Variants in TRPM4 observed in about 807,000 individuals in gnomAD.
TRPM4 encodes calcium-activated non-selective cation channel 1.
A neutral mutation model predicts 135.6 loss-of-function variants in TRPM4; 124 were observed. The ratio of observed to expected loss-of-function variants is 0.91; its 90% CI spans 0.79 to 1.06. The LOEUF (loss-of-function observed/expected upper bound fraction) is 1.06. Ranked by LOEUF, TRPM4 falls within the 50% of genes least tolerant of loss-of-function variation. TRPM4 has a pLI of 0.00. For missense variants in TRPM4, 1,658 were observed against 1,671.4 expected, an observed-to-expected ratio of 0.99 and a Z score of 0.14; for synonymous variants, 745 against 705.6, an observed-to-expected ratio of 1.06 and a Z score of -0.88.
intron 16 of TRPM4, among the ~76,000 whole-genome samples, chr19:49,194,219 C>G (rs1171214052): frequency 2.6e-5 from 4 of 152,058 alleles, no homozygotes; most frequent in African/African-American, 7.2e-5. Context: ...TCCTCCTCCT[C>G]CTGCTCCTCT....
chr19:49,196,827 G>T lies in TRPM4; in HGVS notation c.2598G>T (p.Gln866His). Residue 866 changes from glutamine (Q) to histidine (H), a missense_variant, in exon 17 of 25, where the codon CAG becomes CAT. Around this residue, in one of 3 missense-constraint regions of TRPM4, gnomAD observed 1,412 missense variants for 1,408.7 expected, o/e 1.00. Transcript: ENST00000252826. ...TCTACCTCGCCGACAGCTGGAACCA[G>T]TGCGACCTAGTGGCTCTCACCTGCT... ...LRLYLADSWN[Q>H]CDLVALTCFL... The T allele has an allele frequency of 6.3e-7, 1 of 1,591,448 alleles. No individual in the cohort carries two copies.
In TRPM4 at chr19:49,210,199, G is replaced by A. The variant is rs1245146129; in HGVS notation, c.3132-10G>A. On this transcript the variant is annotated splice_polypyrimidine_tract_variant and intron_variant, in intron 20 of 24. Transcript: ENST00000252826. This position sits in a 1 kb window ranked among gnomAD's most constrained non-coding sequence, Gnocchi z 4.1. Reference sequence around the variant, plus strand: ...GACCTCAAGTGACCTTTGACCTCTGGCCTTTGCAGTTACACATTCGGCAAA... The same window carrying A: ...GACCTCAAGTGACCTTTGACCTCTGACCTTTGCAGTTACACATTCGGCAAA... The A allele has an allele frequency of 5.6e-6, 9 of 1,614,046 alleles. No homozygotes were observed. The highest frequency in any genetic ancestry group is 1.3e-5 in the African/African-American group (1 of 74,922).
chr19:49,197,711 T>C (rs562971898), intron 17 of TRPM4, among the ~76,000 whole-genome samples: 19 of 151,498 alleles, frequency 1.3e-4, no homozygotes, highest in South Asian at 2.1e-4. Flanking sequence ...GAGCCAGAGT[T>C]CCGCTGTGTC....
intron 12 of TRPM4, among the ~76,000 whole-genome samples, chr19:49,187,502 G>A (rs983497314): frequency 6.6e-6 from 1 of 151,062 alleles, no homozygotes; most frequent in East Asian, 1.9e-4. Context: ...AGACCACCAC[G>A]CCTGGCTAAC....
intron 20 of TRPM4, among the ~76,000 whole-genome samples, chr19:49,207,265 A>G (rs1314245717): frequency 6.6e-6 from 1 of 152,132 alleles, no homozygotes; most frequent in African/African-American, 2.4e-5. Flanking sequence ...ATTGGGTATG[A>G]CGGTAGCTGT....
intron 9 of TRPM4, among the ~76,000 whole-genome samples, chr19:49,174,233 A>C (rs993696761): frequency 4.6e-5 from 7 of 151,368 alleles, no homozygotes; most frequent in African/African-American, 1.7e-4. Context: ...GCTCACTGCA[A>C]CCTCCGCCTC....
In TRPM4 at chr19:49,175,067, C is replaced by CTTTTTTTTTTTT. The variant is rs772062913; in HGVS notation, c.1150+2973_1150+2984dup. On this transcript the variant is annotated intron_variant, in intron 9 of 24. Transcript: ENST00000252826. Reference sequence around the variant, plus strand: ...CACAGGCATGTGCCATCATGCCTGGCTTTTTTTTTTTTTTTTTTTTTTTTT... The same window carrying CTTTTTTTTTTTT: ...CACAGGCATGTGCCATCATGCCTGGCTTTTTTTTTTTTTTTTTTTTTTTTTTTTTTTTTTTTT... 1.5e-4 allele frequency among the ~76,000 whole-genome samples: 12 copies of CTTTTTTTTTTTT among 77,580 alleles called. 2 individuals are homozygous for CTTTTTTTTTTTT. The highest frequency in any genetic ancestry group is 8.1e-4 in the African/African-American group (11 of 13,530). The allele number at this position is 77,580 out of a possible 152,430, so 50.9% of individuals were successfully genotyped here. A position where few individuals can be genotyped will look rare whatever the true frequency, so the allele number is the denominator to read the frequency against.
Position 49,196,478 on chromosome 19 carries a change from C to G in TRPM4, c.2249C>G (p.Pro750Arg), listed in dbSNP as rs776873603. Reference protein sequence around the residue: ...DPAEKTPLGVPRQSGRPGCCG... With the variant: ...DPAEKTPLGVRRQSGRPGCCG... ...GCCGAGAAGACGCCGCTGGGGGTCC[C>G]GCGCCAGTCGGGCCGTCCGGGTTGC... is the stretch of plus-strand genomic sequence containing the variant. The change falls in exon 17 of 25, where the codon CCG becomes CGG. Residue 750 changes from proline (P) to arginine (R), a missense_variant. Pro to Arg is a moderately radical substitution (Grantham distance 103). Transcript: ENST00000252826. 9 of 1,554,474 alleles carry G rather than the reference C, an allele frequency of 5.8e-6. No homozygotes were observed. Among genetic ancestry groups the G allele is most frequent in the Non-Finnish European group, 7.8e-6 (9 of 1,153,236 alleles).
intron 2 of TRPM4, among the ~76,000 whole-genome samples, chr19:49,161,574 A>G (rs1262451790): frequency 6.8e-6 from 1 of 147,282 alleles, no homozygotes; most frequent in Non-Finnish European, 1.5e-5. Flanking sequence ...TGAGCCTCCC[A>G]CCTCACTCTG....
intron 20 of TRPM4, among the ~76,000 whole-genome samples, chr19:49,206,600 C>T (rs989036960): frequency 2.6e-5 from 4 of 151,864 alleles, no homozygotes; most frequent in African/African-American, 4.8e-5. Flanking sequence ...CCACCACGCC[C>T]GGCTAATTTT....
At chr19:49,182,107 T>TCCAC (rs879552683) in intron 10 of TRPM4, among the ~76,000 whole-genome samples, 38,583 of 147,444 alleles carry the variant, frequency 0.26, 6,155 homozygotes, top group South Asian at 0.32. Context: ...CATCCATCCA[T>TCCAC]CCATCCATCC....
intron 10 of TRPM4, 199 bp from the exon 11 acceptor site, chr19:49,182,379 T>TCCATCCATCCATCTGC (rs1183427360): frequency 1.6e-6 from 1 of 616,640 alleles, no homozygotes; most frequent in South Asian, 1.8e-5. Flanking sequence ...CATCCATCCA[T>TCCATCCATCCATCTGC]CCATCCATCC....
intron 12 of TRPM4, among the ~76,000 whole-genome samples, 190 bp downstream of exon 12, chr19:49,183,402 G>A (rs149482473): frequency 2.6e-4 from 40 of 152,114 alleles, no homozygotes; most frequent in African/African-American, 8.9e-4. Flanking sequence ...ATTATTTTAT[G>A]TGTTTATTTT....
rs1968862426 is a variant in TRPM4 at position 49,200,281 on chromosome 19, G to A, written c.2646-19G>A. The A allele has an allele frequency of 3.1e-6, 5 of 1,613,954 alleles. No individual in the cohort carries two copies. Among genetic ancestry groups the A allele is most frequent in the Non-Finnish European group, 4.2e-6 (5 of 1,180,034 alleles). ...CGTCTTGTGACACTTGACCCTTGTG[G>A]CATCTCCCCACACCCCAGGCTGACC... On this transcript the variant is annotated intron_variant, in intron 17 of 24. Coordinates refer to ENST00000252826, the MANE Select transcript of TRPM4 (RefSeq NM_017636.4).
At chr19:49,187,576 T>G (rs1371892175) in intron 12 of TRPM4, among the ~76,000 whole-genome samples, 2 of 152,140 alleles carry the variant, frequency 1.3e-5, no homozygotes, top group Non-Finnish European at 2.9e-5. Context: ...CTTGAATTCC[T>G]GGGCTCAAGC....
intron 2 of TRPM4, among the ~76,000 whole-genome samples, chr19:49,161,481 C>T (rs1966962417): frequency 1.3e-5 from 2 of 151,472 alleles, no homozygotes; most frequent in Admixed American, 1.3e-4. Flanking sequence ...CACCACCATG[C>T]CTGGCTAATT....
At chr19:49,183,333 C>T (rs1401908343) in intron 12 of TRPM4, 121 bp downstream of exon 12, 8 of 1,265,408 alleles carry the variant, frequency 6.3e-6, no homozygotes, top group Non-Finnish European at 9.0e-6. Context: ...GCCCCATCCT[C>T]CGTCGCTGAT....
At chr19:49,172,962 A>G (rs546598288) in intron 9 of TRPM4, among the ~76,000 whole-genome samples, 3 of 144,864 alleles carry the variant, frequency 2.1e-5, no homozygotes, top group African/African-American at 7.9e-5. Context: ...CCATCCACTT[A>G]TTGTTCCATC....
intron 20 of TRPM4, among the ~76,000 whole-genome samples, chr19:49,206,193 C>T (rs1296822103): frequency 6.6e-6 from 1 of 151,854 alleles, no homozygotes; most frequent in Non-Finnish European, 1.5e-5. Flanking sequence ...GAACTCCTGA[C>T]CTCAGGTGAT....
Sources: gnomAD v4.1 joint callset for allele counts (sites outside exome capture counted in the v4.1 genomes callset) on GRCh38, gnomAD v4.1.1 for gene constraint, gnomAD v4.1.1 regional missense constraint, Gnocchi (gnomAD v3.1) non-coding constraint, MANE v1.5 for transcripts, NCBI Gene and HGNC (gene_info 2026-07-23, HGNC 2026-07-21) for gene names.